CLEC16A: variants seen among roughly 807,000 people sequenced by gnomAD.
CLEC16A encodes protein CLEC16A.
In CLEC16A, 51 loss-of-function variants were observed where a neutral mutation model predicts 109.5. The observed-to-expected ratio is 0.47, with a 90% confidence interval of 0.37 to 0.59. CLEC16A has a LOEUF of 0.59. Among genes scored for constraint, CLEC16A ranks in the 20% least tolerant of loss-of-function variants. The probability of loss-of-function intolerance (pLI) is 0.00; values close to 1 mark genes in which losing one functional copy is unlikely to be tolerated. For missense variants in CLEC16A, 1,339 were observed against 1,394.0 expected (o/e 0.96, Z 0.63); for synonymous variants, 673 against 564.2 (o/e 1.19, Z -2.73).
At chr16:10,968,733 G>A (rs904017227) in intron 3 of CLEC16A, among the ~76,000 whole-genome samples, 8 of 152,046 alleles carry the variant, frequency 5.3e-5, no homozygotes, top group Non-Finnish European at 8.8e-5. Context: ...ATATAAGGAG[G>A]AAAAAAACCC....
chr16:10,991,423 CAAAAAA>C (rs756161193), intron 10 of CLEC16A, among the ~76,000 whole-genome samples: 6,420 of 63,448 alleles, frequency 0.1, 569 homozygotes, highest in African/African-American at 0.27. Context: ...GACTCCGTCT[CAAAAAA>C]AAAAAAAAAA....
intron 5 of CLEC16A, 54 bp from the exon 6 acceptor site, chr16:10,972,500 G>A (rs2042841268): frequency 1.9e-6 from 3 of 1,581,830 alleles, no homozygotes; most frequent in Non-Finnish European, 2.6e-6. Flanking sequence ...CCTGTTAACT[G>A]TTGTCTGTTT....
At chr16:11,109,040 G>A (rs2051396561) in intron 19 of CLEC16A, among the ~76,000 whole-genome samples, 1 of 150,396 alleles carries the variant, frequency 6.6e-6, no homozygotes, top group South Asian at 2.1e-4. Flanking sequence ...GAACCCGGGA[G>A]GCGGAGCTTG....
At chr16:11,090,001 T>C (rs1442771653) in intron 19 of CLEC16A, among the ~76,000 whole-genome samples, 1 of 152,248 alleles carries the variant, frequency 6.6e-6, no homozygotes, top group Non-Finnish European at 1.5e-5. Context: ...TCCACCATCC[T>C]TTACACTCAG....
At chr16:11,079,295 T>C (rs1201613138) in intron 19 of CLEC16A, among the ~76,000 whole-genome samples, 1 of 152,168 alleles carries the variant, frequency 6.6e-6, no homozygotes, top group Non-Finnish European at 1.5e-5. Context: ...AAAAATGCCT[T>C]AGGAGTAGAG....
intron 3 of CLEC16A, 25 bp from the exon 4 acceptor site, chr16:10,969,136 C>G: frequency 3.8e-6 from 6 of 1,587,966 alleles, no homozygotes; most frequent in Non-Finnish European, 5.2e-6. Flanking sequence ...ATGAGTTAAC[C>G]TGTTTTGTTT....
At chr16:11,033,728 A>G (rs2046873367) in intron 13 of CLEC16A, among the ~76,000 whole-genome samples, 1 of 152,196 alleles carries the variant, frequency 6.6e-6, no homozygotes, top group African/African-American at 2.4e-5. Context: ...CATAAAAACC[A>G]AATGTGAGCT....
Position 11,178,679 on chromosome 16 carries a change from G to T in CLEC16A, c.3151G>T (p.Ala1051Ser), listed in dbSNP as rs201910797. 1.3e-6 allele frequency: 2 copies of T among 1,504,960 alleles called. No individual in the cohort carries two copies. Among genetic ancestry groups the T allele is most frequent in the African/African-American group, 1.4e-5 (1 of 72,542 alleles). The allele number at this position is 1,504,960 out of a possible 1,614,324, so 93.2% of individuals were successfully genotyped here. The change falls in exon 24 of 24, where the codon GCT becomes TCT. Residue 1051 changes from alanine (A) to serine (S), a missense_variant. By Grantham distance (99) the Ala-to-Ser change is moderately conservative. Around this residue, in one of 3 missense-constraint regions of CLEC16A, gnomAD observed 1,061 missense variants for 1,006.8 expected, o/e 1.05. Transcript: ENST00000409790. This position sits in a 1 kb window ranked among gnomAD's most constrained non-coding sequence, Gnocchi z 6.5. ...EAACAEPVGT[A>S]ED ...TGCATGTGCTGAGCCTGTGGGCACCGCTGAGGACTGAGTCAGTGCCGGGGC... is the reference window on the plus strand; with the variant it reads ...TGCATGTGCTGAGCCTGTGGGCACCTCTGAGGACTGAGTCAGTGCCGGGGC...
intron 3 of CLEC16A, among the ~76,000 whole-genome samples, chr16:10,965,980 G>A (rs9302457): frequency 0.42 from 64,142 of 151,968 alleles, 15,752 homozygotes; most frequent in African/African-American, 0.69. Context: ...GAAGCCACTA[G>A]CCAGTCACAG....
At chr16:10,981,158 T>G (rs77753443) in intron 9 of CLEC16A, among the ~76,000 whole-genome samples, 3,752 of 152,290 alleles carry the variant, frequency 0.025, 67 homozygotes, top group Non-Finnish European at 0.035. Context: ...AGGGGGGCCT[T>G]TGTAGGTGCT....
At chr16:11,004,085 A>G (rs762713336) in intron 11 of CLEC16A, among the ~76,000 whole-genome samples, 7 of 152,000 alleles carry the variant, frequency 4.6e-5, no homozygotes, top group African/African-American at 1.7e-4. Flanking sequence ...AATGAGGTGC[A>G]CTCGTGTGTA....
intron 1 of CLEC16A, among the ~76,000 whole-genome samples, chr16:10,948,010 C>T (rs1252153282): frequency 6.6e-6 from 1 of 152,090 alleles, no homozygotes; most frequent in Non-Finnish European, 1.5e-5. Flanking sequence ...TCTCCTGCCT[C>T]AGCCTCCAGA....
At chr16:11,160,981 A>T (rs1362043903) in intron 22 of CLEC16A, among the ~76,000 whole-genome samples, 1 of 152,334 alleles carries the variant, frequency 6.6e-6, no homozygotes, top group African/African-American at 2.4e-5. Flanking sequence ...GTCACAACTT[A>T]GTCACTTGGC....
At chr16:11,060,825 C>G in intron 18 of CLEC16A, 77 bp from the exon 19 acceptor site, 1 of 1,380,112 alleles carries the variant, frequency 7.2e-7, no homozygotes, top group African/African-American at 1.5e-5. Flanking sequence ...GTCATGGTGT[C>G]ATTTCTGGGT....
chr16:10,973,701 T>G (rs2042902041), intron 7 of CLEC16A, among the ~76,000 whole-genome samples: 1 of 151,646 alleles, frequency 6.6e-6, no homozygotes, highest in Admixed American at 6.6e-5. Context: ...CCCAGGTAGC[T>G]AAGACCACCA....
intron 11 of CLEC16A, among the ~76,000 whole-genome samples, chr16:11,018,790 G>C (rs900165071): frequency 2.6e-5 from 4 of 151,170 alleles, no homozygotes; most frequent in Non-Finnish European, 5.9e-5. Context: ...GGATGTTCAA[G>C]AGATAGTGAG....
chr16:11,047,535 T>C, intron 17 of CLEC16A, 193 bp downstream of exon 17: 1 of 430,218 alleles, frequency 2.3e-6, no homozygotes, highest in Non-Finnish European at 4.1e-6. Flanking sequence ...ATTCTCTCCC[T>C]CTAACATGGG....
intron 19 of CLEC16A, among the ~76,000 whole-genome samples, chr16:11,114,128 CGTGTGTGTGTGTGTGTGTGTGT>C (rs3030600): frequency 1.0e-4 from 13 of 127,248 alleles, no homozygotes; most frequent in Admixed American, 1.6e-4. Flanking sequence ...TGAGGATGGC[CGTGTGTGTGTGTGTGTGTGTGT>C]GTGTGTGTGT....
intron 11 of CLEC16A, among the ~76,000 whole-genome samples, chr16:11,015,352 C>A (rs909083965): frequency 2.0e-5 from 3 of 152,016 alleles, no homozygotes; most frequent in African/African-American, 7.2e-5. Context: ...GAAGGGGGAG[C>A]GGTCCTGGCT....
Sources: gnomAD v4.1 joint callset for allele counts (sites outside exome capture counted in the v4.1 genomes callset) on GRCh38, gnomAD v4.1.1 for gene constraint, gnomAD v4.1.1 regional missense constraint, Gnocchi (gnomAD v3.1) non-coding constraint, MANE v1.5 for transcripts, NCBI Gene and HGNC (gene_info 2026-07-23, HGNC 2026-07-21) for gene names.